Variants in COL26A1 observed in about 807,000 individuals in gnomAD.
COL26A1 encodes the protein collagen type XXVI alpha 1 chain.
Under a neutral mutation model 59.3 loss-of-function variants are expected in COL26A1, and 41 were observed. The ratio of observed to expected loss-of-function variants is 0.69; its 90% confidence interval spans 0.54 to 0.90. COL26A1 has a LOEUF of 0.90. Among genes scored for constraint, COL26A1 ranks in the 40% least tolerant of loss-of-function variants. COL26A1 has a pLI of 0.00. For missense variants in COL26A1, 612 were observed against 602.3 expected (o/e 1.02, Z -0.17); for synonymous variants, 266 against 256.0 (o/e 1.04, Z -0.37).
At chr7:101,506,612 C>T (rs913611961) in intron 3 of COL26A1, among the ~76,000 whole-genome samples, 1 of 152,178 alleles carries the variant, frequency 6.6e-6, no homozygotes, top group Non-Finnish European at 1.5e-5. Flanking sequence ...CACTGGATCC[C>T]TTTTCTCCTT....
At position 101,542,739 on chromosome 7, in the gene COL26A1, C is replaced by T. The variant is rs1041662225; in HGVS notation, c.605-1259C>T. Among the ~76,000 whole-genome samples the T allele has an allele frequency of 6.6e-5, 10 of 152,198 alleles. No individual in the cohort carries two copies. The East Asian group carries it at 9.7e-4, about 15-fold the overall frequency. ...ATTCTTGGAAAGGGACTGAAGGCTG[C>T]GGGAGGAGGGCCGAGCTCAGGTCTC... On this transcript the variant is annotated intron_variant, in intron 5 of 12. Transcript: ENST00000313669.
At chr7:101,428,798 G>A (rs1388408344) in intron 2 of COL26A1, among the ~76,000 whole-genome samples, 9 of 151,868 alleles carry the variant, frequency 5.9e-5, no homozygotes, top group Admixed American at 2.6e-4. Flanking sequence ...ATGAGCCACC[G>A]CACCTGGCCC....
At chr7:101,430,595 TTTAA>T (rs1334223362) in intron 2 of COL26A1, among the ~76,000 whole-genome samples, 1 of 151,718 alleles carries the variant, frequency 6.6e-6, no homozygotes, top group Non-Finnish European at 1.5e-5. Context: ...AGCCAGTATT[TTTAA>T]TTTCTATGTC....
At chr7:101,435,244 G>A (rs768472120) in intron 2 of COL26A1, among the ~76,000 whole-genome samples, 6 of 152,286 alleles carry the variant, frequency 3.9e-5, no homozygotes, top group East Asian at 3.9e-4. Flanking sequence ...GCTCAAACCC[G>A]GGAGGCAGAG....
intron 3 of COL26A1, among the ~76,000 whole-genome samples, chr7:101,482,690 C>T (rs550108166): frequency 1.2e-4 from 19 of 152,284 alleles, no homozygotes; most frequent in Middle Eastern, 3.4e-3. Flanking sequence ...CTTAGGGTGA[C>T]TCACGCCTGT....
chr7:101,430,054 G>A (rs1792743546), intron 2 of COL26A1, among the ~76,000 whole-genome samples: 1 of 152,142 alleles, frequency 6.6e-6, no homozygotes, highest in South Asian at 2.1e-4. Flanking sequence ...TTTTTAGCAT[G>A]TTGAGTCTTC....
intron 3 of COL26A1, among the ~76,000 whole-genome samples, chr7:101,465,331 C>A (rs141190915): frequency 3.3e-5 from 5 of 152,282 alleles, no homozygotes; most frequent in South Asian, 4.1e-4. Context: ...TGAGCCACCA[C>A]GCCCAGGCTC....
intron 1 of COL26A1, among the ~76,000 whole-genome samples, chr7:101,400,172 G>T (rs1041845717): frequency 6.6e-6 from 1 of 152,004 alleles, no homozygotes; most frequent in Non-Finnish European, 1.5e-5. Flanking sequence ...GTGGGGAGGG[G>T]AGTAGGCATT....
chr7:101,373,264 C>T (rs573337737), intron 1 of COL26A1, among the ~76,000 whole-genome samples: 2 of 152,294 alleles, frequency 1.3e-5, no homozygotes, highest in Admixed American at 6.5e-5. Flanking sequence ...TAGGCAGAGA[C>T]AGGCTACAGG....
chr7:101,522,752 C>T (rs533169354), intron 3 of COL26A1, among the ~76,000 whole-genome samples: 1 of 151,896 alleles, frequency 6.6e-6, no homozygotes, highest in South Asian at 2.1e-4. Flanking sequence ...GTGGTTGTAC[C>T]ATTGATACTC....
chr7:101,422,426 C>A (rs1263834440), intron 2 of COL26A1, among the ~76,000 whole-genome samples: 1 of 150,140 alleles, frequency 6.7e-6, no homozygotes, highest in African/African-American at 2.4e-5. Context: ...GGTACAGACA[C>A]TCCCTATCCC....
chr7:101,363,928 G>A (rs1790976223), intron 1 of COL26A1, among the ~76,000 whole-genome samples: 1 of 152,306 alleles, frequency 6.6e-6, no homozygotes, highest in East Asian at 1.9e-4. Context: ...GACACCAGAG[G>A]GGTCATTCCC....
Position 101,557,503 on chromosome 7 carries a change from C to A in COL26A1, c.1299C>A (p.Ser433Arg). ...TTGGGCCCGACCCTGGACAGAAGAG[C>A]GTGGACCAGGCCAGCAGCAGGAAGT... ...ALLGPDPGQK[S>R]VDQASSRK The change falls in exon 13 of 13, where the codon AGC becomes AGA. Residue 433 changes from serine to arginine, a missense_variant. Ser to Arg is a moderately radical substitution (Grantham distance 110). Transcript: ENST00000313669. 3 of 1,612,062 alleles carry A rather than the reference C, an allele frequency of 1.9e-6. No individual in the cohort carries two copies. The highest frequency in any genetic ancestry group is 2.5e-6 in the Non-Finnish European group (3 of 1,178,580).
chr7:101,368,045 C>G (rs1791092062), intron 1 of COL26A1, among the ~76,000 whole-genome samples: 1 of 152,154 alleles, frequency 6.6e-6, no homozygotes, highest in Non-Finnish European at 1.5e-5. Flanking sequence ...CTAGATTGTT[C>G]CTTTTTCAGG....
At chr7:101,517,336 C>T (rs1448767489) in intron 3 of COL26A1, among the ~76,000 whole-genome samples, 3 of 152,084 alleles carry the variant, frequency 2.0e-5, no homozygotes, top group Non-Finnish European at 4.4e-5. Flanking sequence ...TCCGTTTTCA[C>T]GTTGCTGATA....
chr7:101,551,745 CAAA>C (rs11351013), intron 10 of COL26A1, among the ~76,000 whole-genome samples: 3 of 137,644 alleles, frequency 2.2e-5, no homozygotes, highest in African/African-American at 5.3e-5. Context: ...GACTCCATCT[CAAA>C]AAAAAAAAAA....
chr7:101,540,088 G>A lies in COL26A1; in HGVS notation c.604+39G>A, dbSNP rs532584216. 2.2e-5 allele frequency: 34 copies of A among 1,577,958 alleles called. No individual in the cohort carries two copies. In the Middle Eastern group the frequency reaches 8.8e-4, roughly 41 times the overall value. On this transcript the variant is annotated intron_variant, in intron 5 of 12. Coordinates refer to ENST00000313669, the MANE Select transcript of COL26A1 (RefSeq NM_001278563.3). ...GCAGAGAGGACAGGCTGGGGCAGCCGAAGGGACCTTGGGCATGGCCTCCCA... is the reference window on the plus strand; with the variant it reads ...GCAGAGAGGACAGGCTGGGGCAGCCAAAGGGACCTTGGGCATGGCCTCCCA...
intron 3 of COL26A1, among the ~76,000 whole-genome samples, chr7:101,453,685 T>C (rs569870931): frequency 3.9e-5 from 6 of 152,278 alleles, no homozygotes; most frequent in Non-Finnish European, 5.9e-5. Flanking sequence ...AGCTGAAGAA[T>C]TCCTGGGAGT....
intron 1 of COL26A1, among the ~76,000 whole-genome samples, chr7:101,402,332 C>T (rs745835897): frequency 5.3e-5 from 8 of 152,098 alleles, no homozygotes; most frequent in Non-Finnish European, 7.4e-5. Context: ...CCAGCCTCCC[C>T]GCTGATTGCA....
Sources: gnomAD v4.1 joint callset for allele counts (sites outside exome capture counted in the v4.1 genomes callset) on GRCh38, gnomAD v4.1.1 for gene constraint, MANE v1.5 for transcripts, NCBI Gene and HGNC (gene_info 2026-07-23, HGNC 2026-07-21) for gene names.